COBL: variants seen among roughly 807,000 people sequenced by gnomAD.
COBL encodes cordon-bleu WH2 repeat protein.
In COBL, 51 loss-of-function variants were observed where a neutral mutation model predicts 98.8. That is an observed-to-expected ratio of 0.52 (90% confidence interval 0.41 to 0.65). The LOEUF is 0.65. Among genes scored for constraint, COBL ranks in the 30% least tolerant of loss-of-function variants. The probability of loss-of-function intolerance (pLI) is 0.00; values close to 1 mark genes in which losing one functional copy is unlikely to be tolerated. For synonymous variants in COBL, 634 were observed against 651.7 expected, an observed-to-expected ratio of 0.97 and a Z score of 0.41; for missense variants, 1,617 against 1,617.5, an observed-to-expected ratio of 1.00 and a Z score of 0.01.
At chr7:51,018,616 G>A (rs1190303320) in intron 12 of COBL, among the ~76,000 whole-genome samples, 2 of 151,630 alleles carry the variant, frequency 1.3e-5, no homozygotes, top group Admixed American at 6.6e-5. Flanking sequence ...TATGAGGGTG[G>A]GCATAGTGGC....
chr7:51,261,038 GC>G (rs920224095), intron 1 of COBL, among the ~76,000 whole-genome samples: 5 of 152,046 alleles, frequency 3.3e-5, no homozygotes, highest in African/African-American at 1.2e-4. Context: ...TCTCCCCAGA[GC>G]CCCACTACTC....
chr7:51,223,425 G>C (rs543649742), intron 1 of COBL, among the ~76,000 whole-genome samples: 5 of 152,322 alleles, frequency 3.3e-5, no homozygotes, highest in Admixed American at 1.3e-4. Context: ...GTTTCCATCT[G>C]GACCTATTGA....
chr7:51,272,070 C>A (rs1233815841), intron 1 of COBL, among the ~76,000 whole-genome samples: 1 of 152,134 alleles, frequency 6.6e-6, no homozygotes, highest in African/African-American at 2.4e-5. Context: ...ACAATGAATT[C>A]TGGACATGGC....
intron 6 of COBL, among the ~76,000 whole-genome samples, chr7:51,101,294 T>A (rs1276657090): frequency 6.6e-6 from 1 of 152,246 alleles, no homozygotes; most frequent in East Asian, 1.9e-4. Flanking sequence ...TTCTGGTAGA[T>A]GTATTTAGAG....
intron 6 of COBL, among the ~76,000 whole-genome samples, chr7:51,115,196 G>A (rs1002786771): frequency 3.9e-5 from 6 of 152,028 alleles, no homozygotes; most frequent in Non-Finnish European, 2.9e-5. Context: ...ATCTAGATAT[G>A]TTGATCATAT....
At chr7:51,301,397 G>C (rs1359050818) in intron 1 of COBL, among the ~76,000 whole-genome samples, 2 of 152,142 alleles carry the variant, frequency 1.3e-5, no homozygotes, top group African/African-American at 4.8e-5. Context: ...GAACTGCCTG[G>C]GCCCCCATCA....
chr7:51,269,927 G>A (rs1444446060), intron 1 of COBL, among the ~76,000 whole-genome samples: 1 of 152,102 alleles, frequency 6.6e-6, no homozygotes, highest in Admixed American at 6.6e-5. Flanking sequence ...ACTGACACAG[G>A]GAATAACACC....
chr7:51,175,213 A>G (rs1788253925), intron 5 of COBL, among the ~76,000 whole-genome samples: 1 of 152,250 alleles, frequency 6.6e-6, no homozygotes, highest in Non-Finnish European at 1.5e-5. Flanking sequence ...GCAGTTTTGC[A>G]CTGCTGATAT....
At chr7:51,256,869 C>G (rs927817427) in intron 1 of COBL, among the ~76,000 whole-genome samples, 1 of 152,212 alleles carries the variant, frequency 6.6e-6, no homozygotes, top group Non-Finnish European at 1.5e-5. Flanking sequence ...AGTAATTCCA[C>G]TCTTCTTAGA....
intron 2 of COBL, among the ~76,000 whole-genome samples, chr7:51,218,719 G>A (rs1233565301): frequency 1.3e-5 from 2 of 151,932 alleles, no homozygotes; most frequent in Admixed American, 6.6e-5. Context: ...CAAGTGATTC[G>A]CCTGCCTCAG....
At chr7:51,107,084 G>GTTTTTTT (rs202161212) in intron 6 of COBL, among the ~76,000 whole-genome samples, 1 of 109,328 alleles carries the variant, frequency 9.1e-6, no homozygotes, top group Non-Finnish European at 1.9e-5. Flanking sequence ...TGTGATCCTA[G>GTTTTTTT]TTTGTTTGTT....
intron 7 of COBL, among the ~76,000 whole-genome samples, chr7:51,067,470 C>T (rs1436346505): frequency 1.3e-5 from 2 of 152,218 alleles, no homozygotes; most frequent in African/African-American, 4.8e-5. Flanking sequence ...ACTGTATATA[C>T]ATCTATGCAC....
chr7:51,260,977 C>A (rs1345068127), intron 1 of COBL, among the ~76,000 whole-genome samples: 1 of 152,142 alleles, frequency 6.6e-6, no homozygotes, highest in African/African-American at 2.4e-5. Context: ...ACTTTATAAA[C>A]CTCCATACCC....
At chr7:51,218,280 G>A (rs191761753) in intron 2 of COBL, among the ~76,000 whole-genome samples, 2 of 152,304 alleles carry the variant, frequency 1.3e-5, no homozygotes, top group East Asian at 3.9e-4. Flanking sequence ...TGGTTAATTT[G>A]ATAAAGTAAC....
intron 12 of COBL, 120 bp downstream of exon 12, chr7:51,024,989 T>A (rs1787378161): frequency 7.3e-7 from 1 of 1,369,950 alleles, no homozygotes; most frequent in Admixed American, 1.7e-5. Context: ...CGGCTCTCTC[T>A]CAACCCACTC....
At chr7:51,316,452 G>A in intron 1 of COBL, 141 bp downstream of exon 1, 2 of 555,482 alleles carry the variant, frequency 3.6e-6, no homozygotes, top group Non-Finnish European at 2.6e-6. Flanking sequence ...CACCAGCACC[G>A]CACCACCTGC....
intron 1 of COBL, among the ~76,000 whole-genome samples, chr7:51,291,581 T>C (rs1207264479): frequency 6.6e-6 from 1 of 151,780 alleles, no homozygotes; most frequent in Non-Finnish European, 1.5e-5. Context: ...GCCAACATGG[T>C]GAAACCCTCT....
intron 6 of COBL, among the ~76,000 whole-genome samples, chr7:51,107,059 ACT>A (rs1054879834): frequency 1.4e-5 from 2 of 147,280 alleles, no homozygotes; most frequent in Non-Finnish European, 3.0e-5. Context: ...CACCTCAAAT[ACT>A]TAACACTTTT....
chr7:51,134,886 T>G (rs1007154094), intron 6 of COBL, among the ~76,000 whole-genome samples: 1 of 152,242 alleles, frequency 6.6e-6, no homozygotes, highest in African/African-American at 2.4e-5. Context: ...TTTATTTTTA[T>G]GAAAACACAG....
Sources: gnomAD v4.1 joint callset for allele counts (sites outside exome capture counted in the v4.1 genomes callset) on GRCh38, gnomAD v4.1.1 for gene constraint, MANE v1.5 for transcripts, NCBI Gene and HGNC (gene_info 2026-07-23, HGNC 2026-07-21) for gene names.